Variants in CDH23 observed in about 807,000 individuals in gnomAD.
CDH23 encodes cadherin-23.
In CDH23, 189 loss-of-function variants were observed where a neutral mutation model predicts 317.1. The ratio of observed to expected loss-of-function variants is 0.60; its 90% CI spans 0.53 to 0.67. CDH23 has a LOEUF of 0.67. Among genes scored for constraint, CDH23 ranks in the 30% least tolerant of loss-of-function variants. The pLI, the probability that CDH23 is intolerant of heterozygous loss-of-function variation, is 0.00. For synonymous variants in CDH23, 1,839 were observed against 1,876.8 expected (o/e 0.98, Z 0.52); for missense variants, 4,401 against 4,592.4 (o/e 0.96, Z 1.20).
chr10:71,814,203 T>C (rs571270039), intron 69 of CDH23, among the ~76,000 whole-genome samples: 2 of 152,336 alleles, frequency 1.3e-5, no homozygotes, highest in East Asian at 3.9e-4. Flanking sequence ...CAAACCCAGA[T>C]ACCACAGTTG....
In CDH23 at chr10:71,617,392, A is replaced by G. The variant is rs750968216; in HGVS notation, c.1133A>G (p.Glu378Gly). ...TTCATCCAGGTGGTGGACAAGGATG[A>G]GGTGAGTCCCTGGACACATGGCCCA... ...PLFIQVVDKD[E>G]NLGLNSMFEV... Residue 378 changes from glutamate (E) to glycine (G), a missense_variant and splice_region_variant, in exon 11 of 70, where the codon GAG becomes GGG. Physicochemically the swap from Glu to Gly is moderately conservative, Grantham distance 98 (BLOSUM62 -2). This residue lies in a region of CDH23 where 3,068 missense variants were observed against 3,203.3 expected (regional missense o/e 0.96). Coordinates refer to ENST00000224721, the MANE Select transcript of CDH23 (RefSeq NM_022124.6). The G allele has an allele frequency of 6.2e-7, 1 of 1,613,190 alleles. No individual in the cohort carries two copies. Among genetic ancestry groups the G allele is most frequent in the South Asian group, 1.1e-5 (1 of 91,048 alleles).
intron 11 of CDH23, among the ~76,000 whole-genome samples, chr10:71,640,173 A>C (rs375325128): frequency 6.6e-5 from 10 of 152,176 alleles, no homozygotes; most frequent in African/African-American, 1.7e-4. Context: ...CAGAAGCTAC[A>C]CTGAGCTCAC....
chr10:71,537,484 A>G (rs10999871), intron 6 of CDH23, among the ~76,000 whole-genome samples: 14,138 of 152,334 alleles, frequency 0.093, 869 homozygotes, highest in Non-Finnish European at 0.14. Context: ...TCTTGGTATC[A>G]CTGATGCTGA....
In CDH23 at chr10:71,793,501, T is replaced by C. The variant is rs1320589922; in HGVS notation, c.6573T>C (p.Thr2191=). 4 of 1,613,876 alleles carry C rather than the reference T, an allele frequency of 2.5e-6. No individual in the cohort carries two copies. The highest frequency in any genetic ancestry group is 3.4e-6 in the Non-Finnish European group (4 of 1,179,906). The change falls in exon 48 of 70, where the codon ACT becomes ACC. Residue 2191 remains threonine, a synonymous_variant. Coordinates refer to ENST00000224721, the MANE Select transcript of CDH23 (RefSeq NM_022124.6). The part of the protein sequence containing the change: ...VSVLESAEPG[T]VIANITAIDH... Reference sequence around the variant, plus strand: ...TGCTGGAGTCGGCTGAGCCAGGCACTGTCATTGCCAATATCACGGCCATTG... The same window carrying C: ...TGCTGGAGTCGGCTGAGCCAGGCACCGTCATTGCCAATATCACGGCCATTG...
At chr10:71,483,629 C>T (rs994424345) in intron 3 of CDH23, among the ~76,000 whole-genome samples, 27 of 152,204 alleles carry the variant, frequency 1.8e-4, no homozygotes, top group African/African-American at 6.3e-4. Context: ...GCTCCTCACC[C>T]TTTCCTGGGC....
rs1052484950 is a variant in CDH23, at chr10:71,812,511, C to A, written c.9412C>A (p.Arg3138=). Residue 3138 remains arginine (R), a synonymous_variant, in exon 67 of 70, where the codon CGG becomes AGG. Coordinates refer to ENST00000224721, the MANE Select transcript of CDH23 (RefSeq NM_022124.6). ...ANPVWLDPFC[R]NLELAAQAEH... Reference sequence around the variant, plus strand: ...CCCTGTGTGGCTGGATCCCTTCTGTCGGAACCTGGAGCTGGCCGCCCAGGC... The same window carrying A: ...CCCTGTGTGGCTGGATCCCTTCTGTAGGAACCTGGAGCTGGCCGCCCAGGC... 4 of 1,383,920 alleles carry A rather than the reference C, an allele frequency of 2.9e-6. No individual in the cohort carries two copies. Among genetic ancestry groups the A allele is most frequent in the African/African-American group, 1.5e-5 (1 of 67,296 alleles). The allele number at this position is 1,383,920 out of a possible 1,614,324, so 85.7% of individuals were successfully genotyped here.
intron 3 of CDH23, among the ~76,000 whole-genome samples, chr10:71,492,567 T>C (rs1489347331): frequency 2.0e-5 from 3 of 152,202 alleles, no homozygotes; most frequent in East Asian, 3.9e-4. Context: ...GGTGTGGCTT[T>C]TGACATTACA....
chr10:71,633,410 A>G (rs953997969), intron 11 of CDH23, among the ~76,000 whole-genome samples: 2 of 152,038 alleles, frequency 1.3e-5, no homozygotes, highest in African/African-American at 4.8e-5. Flanking sequence ...CGGCCAATAC[A>G]CATACACGCC....
chr10:71,812,314 A>G (rs780052822), intron 66 of CDH23, 166 bp from the exon 67 acceptor site: 2 of 1,598,780 alleles, frequency 1.3e-6, no homozygotes. Flanking sequence ...TTCCAGCAGG[A>G]TCCTATGGTG....
intron 43 of CDH23, among the ~76,000 whole-genome samples, 162 bp downstream of exon 43, chr10:71,785,262 C>T (rs1321052704): frequency 6.6e-6 from 1 of 152,242 alleles, no homozygotes; most frequent in South Asian, 2.1e-4. Flanking sequence ...CTTGGATTCA[C>T]CAGTGAACCA....
chr10:71,741,824 G>T lies in CDH23; in HGVS notation c.4748G>T (p.Gly1583Val). ...DMAFRMDRISGEIATRPAPPD... is the reference protein window; with the variant it reads ...DMAFRMDRISVEIATRPAPPD... Reference sequence around the variant, plus strand: ...GCCTTCCGCATGGACCGCATCAGCGGTGAGATCGCCACACGGCCTGCCCCG... The same window carrying T: ...GCCTTCCGCATGGACCGCATCAGCGTTGAGATCGCCACACGGCCTGCCCCG... The change falls in exon 38 of 70, where the codon GGT becomes GTT. Residue 1583 changes from glycine (G) to valine (V), a missense_variant. Transcript: ENST00000224721. 6.2e-7 allele frequency: 1 copy of T among 1,611,962 alleles called. No homozygotes were observed.
At chr10:71,407,275 G>A (rs1848136096) in intron 1 of CDH23, among the ~76,000 whole-genome samples, 2 of 152,210 alleles carry the variant, frequency 1.3e-5, no homozygotes, top group Non-Finnish European at 2.9e-5. Context: ...AGCTGGGGCT[G>A]GGTTCTGGGA....
chr10:71,733,016 C>T (rs1485503530), intron 32 of CDH23, among the ~76,000 whole-genome samples: 1 of 152,216 alleles, frequency 6.6e-6, no homozygotes, highest in African/African-American at 2.4e-5. Flanking sequence ...ACAAAACTGC[C>T]TCCACTTCAG....
rs1564580027 is a variant in CDH23 at position 71,438,714 on chromosome 10, C to A, written c.-5-1113C>A. On this transcript the variant is annotated intron_variant, in intron 1 of 69. Coordinates refer to ENST00000224721, the MANE Select transcript of CDH23 (RefSeq NM_022124.6). ...TGTGTCTTTCCTGGTCACTTATTGA[C>A]AAGAGAGATAGGACACCAGCTTGGG... Among the ~76,000 whole-genome samples, 4 of 152,312 alleles carry A rather than the reference C, an allele frequency of 2.6e-5. No individual in the cohort carries two copies. In the South Asian group the frequency reaches 6.2e-4, roughly 24 times the overall value.
Position 71,784,412 on chromosome 10 carries a change from A to G in CDH23, c.5494A>G (p.Ser1832Gly). Reference sequence around the variant, plus strand: ...CCGTGACCGGGGGATGCCCCCACTCAGCTCCACAGTGAGTCTGGGGGCCCC... The same window carrying G: ...CCGTGACCGGGGGATGCCCCCACTCGGCTCCACAGTGAGTCTGGGGGCCCC... ...CARDRGMPPL[S>G]STMLVGIRVL... is the part of the protein sequence containing the mutation. Residue 1832 changes from serine (S) to glycine (G), a missense_variant, in exon 42 of 70, where the codon AGC becomes GGC. This residue lies in a region of CDH23 where 3,068 missense variants were observed against 3,203.3 expected (regional missense o/e 0.96). Transcript: ENST00000224721. 6.2e-7 allele frequency: 1 copy of G among 1,612,876 alleles called. No homozygotes were observed. Among genetic ancestry groups the G allele is most frequent in the East Asian group, 2.2e-5 (1 of 44,870 alleles).
At chr10:71,601,736 G>C (rs868141628) in intron 9 of CDH23, among the ~76,000 whole-genome samples, 8 of 152,174 alleles carry the variant, frequency 5.3e-5, no homozygotes, top group Non-Finnish European at 2.9e-5. Flanking sequence ...TTCTATACTG[G>C]AGCTCTGTGT....
At chr10:71,570,046 G>T in intron 7 of CDH23, among the ~76,000 whole-genome samples, 1 of 152,102 alleles carries the variant, frequency 6.6e-6, no homozygotes, top group East Asian at 1.9e-4. Flanking sequence ...GACTACAGAT[G>T]CATCGTTGAG....
chr10:71,723,810 G>C (rs1435693999), intron 28 of CDH23, among the ~76,000 whole-genome samples: 5 of 152,116 alleles, frequency 3.3e-5, no homozygotes, highest in Non-Finnish European at 5.9e-5. Flanking sequence ...GAGGAGGATC[G>C]GGGCAGAGCT....
intron 38 of CDH23, chr10:71,748,219 G>A (rs753876143): frequency 6.6e-5 from 10 of 152,360 alleles, no homozygotes; most frequent in East Asian, 1.9e-4. Flanking sequence ...TCCACCCCGC[G>A]AGGAGCACCC....
Sources: gnomAD v4.1 joint callset for allele counts (sites outside exome capture counted in the v4.1 genomes callset) on GRCh38, gnomAD v4.1.1 for gene constraint, gnomAD v4.1.1 regional missense constraint, MANE v1.5 for transcripts, NCBI Gene and HGNC (gene_info 2026-07-23, HGNC 2026-07-21) for gene names.